The following NVL variants were observed in gnomAD, a reference collection of about 807,000 sequenced individuals.
NVL encodes the protein nuclear VCP like, also known as nuclear valosin-containing protein-like.
Under a neutral mutation model 110.2 loss-of-function variants are expected in NVL, and 84 were observed. That is an observed-to-expected ratio of 0.76 (90% CI 0.64 to 0.91). The LOEUF is 0.91. NVL is among the 40% of genes least tolerant of loss of function. The pLI, the probability that NVL is intolerant of heterozygous loss-of-function variation, is 0.00. For synonymous variants in NVL, 354 were observed against 361.1 expected (o/e 0.98, Z 0.22); for missense variants, 882 against 1,035.9 (o/e 0.85, Z 2.04).
At chr1:224,278,738 A>T in intron 16 of NVL, among the ~76,000 whole-genome samples, 1 of 146,762 alleles carries the variant, frequency 6.8e-6, no homozygotes, top group Admixed American at 6.8e-5. Context: ...GCAATATCCA[A>T]TTTTTTTTTT....
intron 18 of NVL, chr1:224,257,237 CCCT>C: frequency 2.3e-6 from 1 of 428,116 alleles, no homozygotes; most frequent in Non-Finnish European, 4.6e-6. Context: ...TGAAAAAGAA[CCCT>C]CCTTTCATCT....
At chr1:224,315,692 A>G (rs1669996143) in intron 4 of NVL, among the ~76,000 whole-genome samples, 1 of 152,246 alleles carries the variant, frequency 6.6e-6, no homozygotes, top group South Asian at 2.1e-4. Context: ...ATATGCATCT[A>G]TCACACGACC....
At chr1:224,247,407 C>A (rs888523849) in intron 19 of NVL, among the ~76,000 whole-genome samples, 5 of 152,024 alleles carry the variant, frequency 3.3e-5, no homozygotes, top group African/African-American at 9.6e-5. Context: ...CAGTGGCTCA[C>A]GTTTGTAATC....
intron 9 of NVL, among the ~76,000 whole-genome samples, chr1:224,301,050 G>A (rs549015370): frequency 2.0e-5 from 3 of 151,418 alleles, no homozygotes; most frequent in Admixed American, 2.0e-4. Flanking sequence ...AGGTTGTAGT[G>A]AGCCGAGATC....
In NVL at chr1:224,236,531, C is replaced by T. The variant is rs1660492225; in HGVS notation, c.2341G>A (p.Gly781Ser). The change falls in exon 20 of 23, where the codon GGT becomes AGT. Residue 781 changes from glycine to serine, a missense_variant. Transcript: ENST00000281701. ...DADVNLEAIA[G>S]DLRCDCYTGA... is the part of the protein sequence containing the mutation. ...GTATAGCAATCACAGCGAAGGTCAC[C>T]AGCAATTGCTTCCAAATTTACATCT... is the stretch of plus-strand genomic sequence containing the variant. 1 of 1,613,956 alleles carries T rather than the reference C, an allele frequency of 6.2e-7. No homozygotes were observed. Among genetic ancestry groups the T allele is most frequent in the Non-Finnish European group, 8.5e-7 (1 of 1,179,850 alleles).
At chr1:224,249,016 G>C (rs1227744063) in intron 19 of NVL, among the ~76,000 whole-genome samples, 1 of 152,206 alleles carries the variant, frequency 6.6e-6, no homozygotes, top group African/African-American at 2.4e-5. Context: ...AACACCACCA[G>C]CTTAGCTCCC....
chr1:224,321,107 C>T (rs1408206476), intron 2 of NVL, among the ~76,000 whole-genome samples: 2 of 151,960 alleles, frequency 1.3e-5, no homozygotes, highest in South Asian at 2.1e-4. Context: ...AAAGAATCAG[C>T]GGGGCATGGT....
At chr1:224,321,408 T>C (rs1670632066) in intron 2 of NVL, among the ~76,000 whole-genome samples, 1 of 152,078 alleles carries the variant, frequency 6.6e-6, no homozygotes, top group Admixed American at 6.6e-5. Context: ...CAGATGGATG[T>C]AGGCAGAATG....
At chr1:224,316,982 A>C (rs1311577169) in intron 4 of NVL, among the ~76,000 whole-genome samples, 1 of 151,968 alleles carries the variant, frequency 6.6e-6, no homozygotes, top group Admixed American at 6.6e-5. Context: ...TACCAAAAAT[A>C]TAAAAAATTA....
intron 15 of NVL, among the ~76,000 whole-genome samples, chr1:224,282,822 A>G (rs1303524040): frequency 6.6e-6 from 1 of 152,208 alleles, no homozygotes. Context: ...CTAGTTACAT[A>G]CTTAGTATGT....
At chr1:224,249,529 G>A (rs1243456317) in intron 19 of NVL, among the ~76,000 whole-genome samples, 3 of 152,122 alleles carry the variant, frequency 2.0e-5, no homozygotes, top group African/African-American at 7.2e-5. Context: ...TGGATCACGA[G>A]GTCAGGAGAT....
At chr1:224,324,659 C>T (rs1393721667) in intron 2 of NVL, among the ~76,000 whole-genome samples, 3 of 152,158 alleles carry the variant, frequency 2.0e-5, no homozygotes, top group African/African-American at 4.8e-5. Context: ...GTCTTGAACT[C>T]TATGGCCTTA....
intron 18 of NVL, among the ~76,000 whole-genome samples, chr1:224,261,778 G>A (rs1001896135): frequency 5.9e-5 from 9 of 151,646 alleles, no homozygotes; most frequent in Admixed American, 3.3e-4. Flanking sequence ...ATAGTGAGAC[G>A]TCATCTCTAC....
intron 6 of NVL, 139 bp from the exon 7 acceptor site, chr1:224,305,305 T>C (rs1365663544): frequency 4.1e-6 from 3 of 739,744 alleles, no homozygotes; most frequent in Non-Finnish European, 6.4e-6. Context: ...CCCAATCTCT[T>C]TGCTCAAAGA....
At chr1:224,260,936 C>T (rs567844457) in intron 18 of NVL, among the ~76,000 whole-genome samples, 5 of 151,888 alleles carry the variant, frequency 3.3e-5, no homozygotes, top group Middle Eastern at 3.4e-3. Flanking sequence ...AGTGCAGTGG[C>T]GTGATCTCGG....
intron 11 of NVL, 25 bp from the exon 12 acceptor site, chr1:224,294,436 G>C (rs1214102224): frequency 6.2e-7 from 1 of 1,612,662 alleles, no homozygotes; most frequent in Admixed American, 1.7e-5. Context: ...AGAAAGAGTA[G>C]TGAACAAAGC....
rs553149175 is a variant in NVL at position 224,291,710 on chromosome 1, C to T, written c.1326-1977G>A. 2.0e-5 allele frequency among the ~76,000 whole-genome samples: 3 copies of T among 152,312 alleles called. No individual in the cohort carries two copies. In the South Asian group the frequency reaches 6.2e-4, roughly 32 times the overall value. Reference sequence around the variant, plus strand: ...GAGTTTACATTCCTGATAAACCCATCTTAAGTCAAAAACATCATGATAAAC... The same window carrying T: ...GAGTTTACATTCCTGATAAACCCATTTTAAGTCAAAAACATCATGATAAAC... On this transcript the variant is annotated intron_variant, in intron 12 of 22. Transcript: ENST00000281701.
intron 17 of NVL, chr1:224,269,940 T>TC (rs1473494655): frequency 6.7e-6 from 1 of 148,944 alleles, no homozygotes; most frequent in Admixed American, 6.7e-5. Context: ...TTCTTTCTTT[T>TC]TTTTTTTTTT....
chr1:224,257,508 TTGTTTGTC>T (rs763899746), intron 18 of NVL, among the ~76,000 whole-genome samples: 392 of 36,566 alleles, frequency 0.011, 2 homozygotes, highest in Middle Eastern at 0.024. Context: ...AAGTGGTTTT[TTGTTTGTC>T]TGTTTGTTTG....
Sources: allele counts gnomAD v4.1 joint callset (sites outside exome capture counted in the v4.1 genomes callset), GRCh38; gene constraint gnomAD v4.1.1; transcripts MANE v1.5; gene names NCBI Gene and HGNC (gene_info 2026-07-23, HGNC 2026-07-21).